RARB: variants seen among roughly 807,000 people sequenced by gnomAD.
RARB encodes the protein HBV-activated protein.
Under a neutral mutation model 51.9 loss-of-function variants are expected in RARB, and 17 were observed. That is an observed-to-expected ratio of 0.33 (90% CI 0.22 to 0.49). RARB has a LOEUF of 0.49. Ranked by LOEUF, RARB falls within the 20% of genes least tolerant of loss-of-function variation. The pLI is 0.99. For synonymous variants in RARB, 215 were observed against 195.4 expected (o/e 1.10, Z -0.84); for missense variants, 369 against 550.8 (o/e 0.67, Z 3.30).
At chr3:25,253,638 A>G (rs1414342107) in intron 5 of RARB, among the ~76,000 whole-genome samples, 1 of 152,172 alleles carries the variant, frequency 6.6e-6, no homozygotes, top group African/African-American at 2.4e-5. Flanking sequence ...AACTCAAGAA[A>G]GAAGAAAATA....
intron 4 of RARB, among the ~76,000 whole-genome samples, chr3:25,167,918 T>C (rs1700585295): frequency 6.6e-6 from 1 of 152,172 alleles, no homozygotes; most frequent in South Asian, 2.1e-4. Context: ...AATGGAGTTA[T>C]CCAAGAGTCC....
intron 2 of RARB, among the ~76,000 whole-genome samples, chr3:25,473,567 G>A (rs1695806207): frequency 6.6e-6 from 1 of 152,160 alleles, no homozygotes; most frequent in African/African-American, 2.4e-5. Context: ...GCAGCAAAAT[G>A]CAGGCTTTAT....
intron 3 of RARB, among the ~76,000 whole-genome samples, chr3:25,503,447 C>T (rs186062559): frequency 7.2e-5 from 11 of 152,178 alleles, no homozygotes; most frequent in African/African-American, 2.2e-4. Context: ...GGCTGGAGAC[C>T]CATTTCCTGC....
At chr3:24,839,627 G>A (rs1316242981) in intron 1 of RARB, among the ~76,000 whole-genome samples, 2 of 142,280 alleles carry the variant, frequency 1.4e-5, no homozygotes, top group South Asian at 2.3e-4. Context: ...GGGATCTCTT[G>A]ACCTCAGGGG....
intron 1 of RARB, among the ~76,000 whole-genome samples, chr3:24,851,915 T>A (rs1321793687): frequency 6.6e-6 from 1 of 152,246 alleles, no homozygotes; most frequent in Admixed American, 6.5e-5. Context: ...TTTATTCCTC[T>A]TTTTAATGAC....
chr3:24,929,720 A>G (rs1695400375), intron 2 of RARB, among the ~76,000 whole-genome samples: 1 of 152,066 alleles, frequency 6.6e-6, no homozygotes, highest in South Asian at 2.1e-4. Context: ...GGTCTCTGAG[A>G]TCTGCCCCCT....
rs577534486 is a variant in RARB at position 24,858,959 on chromosome 3, C to A, written c.-380+207C>A. 2.8e-5 allele frequency among the ~76,000 whole-genome samples: 4 copies of A among 142,962 alleles called. No individual in the cohort carries two copies. In the South Asian group the frequency reaches 8.8e-4, roughly 31 times the overall value. The allele number at this position is 142,962 out of a possible 152,430, so 93.8% of individuals were successfully genotyped here. On this transcript the variant is annotated intron_variant, in intron 2 of 11. Transcript: ENST00000383772. ...GGTTGAGGCAGAAGAATCGCTTGAA[C>A]TGGGGAGGTGGAGGTTGCGGTGAGC...
chr3:25,216,526 G>T (rs886779452), intron 5 of RARB, among the ~76,000 whole-genome samples: 2 of 150,816 alleles, frequency 1.3e-5, no homozygotes, highest in Non-Finnish European at 3.0e-5. Flanking sequence ...ATAAGTAGGA[G>T]TTGAACATTG....
At chr3:25,513,244 G>A (rs968077694) in intron 3 of RARB, among the ~76,000 whole-genome samples, 3 of 151,896 alleles carry the variant, frequency 2.0e-5, no homozygotes, top group South Asian at 2.1e-4. Context: ...CTGAGATCGC[G>A]CCACCGCACT....
At chr3:25,389,643 T>C (rs1338296874) in intron 5 of RARB, among the ~76,000 whole-genome samples, 1 of 152,168 alleles carries the variant, frequency 6.6e-6, no homozygotes, top group Non-Finnish European at 1.5e-5. Context: ...TGGTTTTCCA[T>C]TCATTAATTT....
chr3:25,308,218 T>C (rs1311495084), intron 5 of RARB, among the ~76,000 whole-genome samples: 3 of 152,354 alleles, frequency 2.0e-5, no homozygotes, highest in Middle Eastern at 3.4e-3. Context: ...ATAATCTTTT[T>C]GCTATTGGGG....
intron 2 of RARB, among the ~76,000 whole-genome samples, chr3:24,946,598 G>A (rs191759658): frequency 1.2e-4 from 19 of 152,230 alleles, no homozygotes; most frequent in Admixed American, 7.2e-4. Flanking sequence ...GTCGGGTGTG[G>A]TGGCTCACAT....
intron 5 of RARB, among the ~76,000 whole-genome samples, chr3:25,180,005 A>G (rs1480503450): frequency 1.3e-5 from 2 of 152,214 alleles, no homozygotes; most frequent in African/African-American, 4.8e-5. Context: ...AAAGGGATCA[A>G]GAATATATGA....
intron 3 of RARB, among the ~76,000 whole-genome samples, chr3:25,511,380 C>T (rs1697888200): frequency 6.6e-6 from 1 of 152,172 alleles, no homozygotes. Context: ...ATCTGCCCAC[C>T]TCAGCCTCCC....
intron 5 of RARB, among the ~76,000 whole-genome samples, chr3:25,271,367 A>G (rs1559339390): frequency 6.6e-6 from 1 of 152,186 alleles, no homozygotes; most frequent in Admixed American, 6.5e-5. Flanking sequence ...AAGCATACCA[A>G]TGTCTCAAGA....
intron 2 of RARB, among the ~76,000 whole-genome samples, chr3:25,014,900 A>C (rs1395895957): frequency 1.3e-5 from 2 of 152,122 alleles, no homozygotes; most frequent in African/African-American, 2.4e-5. Flanking sequence ...ATATTTCCCT[A>C]ACTTTGTTTA....
chr3:25,122,362 A>T (rs541073037), intron 3 of RARB, among the ~76,000 whole-genome samples: 1 of 152,118 alleles, frequency 6.6e-6, no homozygotes, highest in African/African-American at 2.4e-5. Context: ...TCATCAGGAC[A>T]TACTAAGTTT....
intron 5 of RARB, among the ~76,000 whole-genome samples, chr3:25,330,931 C>A (rs1467177362): frequency 6.6e-6 from 1 of 152,138 alleles, no homozygotes; most frequent in East Asian, 1.9e-4. Context: ...ACAAAGAAGG[C>A]CATTACATAA....
chr3:24,919,347 C>T (rs1364929471), intron 2 of RARB, among the ~76,000 whole-genome samples: 1 of 152,076 alleles, frequency 6.6e-6, no homozygotes. Flanking sequence ...CTAAAAGTTT[C>T]TCCATACAAA....
Sources: allele counts gnomAD v4.1 joint callset (sites outside exome capture counted in the v4.1 genomes callset), GRCh38; gene constraint gnomAD v4.1.1; transcripts MANE v1.5; gene names NCBI Gene and HGNC (gene_info 2026-07-23, HGNC 2026-07-21).